Variants in DENND5B observed in about 807,000 individuals in gnomAD.
The protein encoded by DENND5B is DENN domain-containing protein 5B.
A neutral mutation model predicts 140.6 loss-of-function variants in DENND5B; 34 were observed. That is an observed-to-expected ratio of 0.24 (90% CI 0.18 to 0.32). The LOEUF (loss-of-function observed/expected upper bound fraction) is 0.32, where lower values mean the gene tolerates loss of function less well. Among genes scored for constraint, DENND5B ranks in the 10% least tolerant of loss-of-function variants. DENND5B has a pLI of 1.00. For missense variants in DENND5B, 1,142 were observed against 1,560.2 expected (o/e 0.73, Z 4.52); for synonymous variants, 551 against 562.1 (o/e 0.98, Z 0.28).
At chr12:31,512,914 T>C (rs1191189686) in intron 1 of DENND5B, among the ~76,000 whole-genome samples, 1 of 152,190 alleles carries the variant, frequency 6.6e-6, no homozygotes. Context: ...ATTTGGTACA[T>C]TATTAGCGAA....
At chr12:31,553,673 T>C (rs1384887141) in intron 1 of DENND5B, among the ~76,000 whole-genome samples, 1 of 152,190 alleles carries the variant, frequency 6.6e-6, no homozygotes, top group East Asian at 1.9e-4. Context: ...TGTTAAAGTC[T>C]CCCATTATTA....
intron 3 of DENND5B, among the ~76,000 whole-genome samples, chr12:31,468,693 T>A (rs1041031515): frequency 6.6e-6 from 1 of 151,694 alleles, no homozygotes; most frequent in South Asian, 2.1e-4. Flanking sequence ...CACCTGTAGC[T>A]CCAGCTACGT....
chr12:31,569,942 T>A (rs1412070954), intron 1 of DENND5B, among the ~76,000 whole-genome samples: 1 of 150,476 alleles, frequency 6.6e-6, no homozygotes, highest in Non-Finnish European at 1.5e-5. Context: ...ATGCCTGTAA[T>A]CCCAACACTT....
intron 17 of DENND5B, 65 bp from the exon 18 acceptor site, chr12:31,392,761 A>ACAG: frequency 7.0e-7 from 1 of 1,422,604 alleles, no homozygotes; most frequent in Non-Finnish European, 9.6e-7. Flanking sequence ...ACTATGGGAC[A>ACAG]TCAACTGTGT....
rs1402319501 is a variant in DENND5B, at chr12:31,415,392, T to C, written c.2527A>G (p.Arg843Gly). 4 of 1,610,318 alleles carry C rather than the reference T, an allele frequency of 2.5e-6. No homozygotes were observed. Among genetic ancestry groups the C allele is most frequent in the South Asian group, 2.2e-5 (2 of 90,264 alleles). The change falls in exon 12 of 21, where the codon AGG (arginine) becomes GGG (glycine). Residue 843 changes from arginine (R) to glycine (G), a missense_variant. Coordinates refer to ENST00000389082, the MANE Select transcript of DENND5B (RefSeq NM_144973.4). ...SDSGVMLPTLRVSLIQDMRHI... is the reference protein window; with the variant it reads ...SDSGVMLPTLGVSLIQDMRHI... ...CTCATGTCCTGAATAAGAGAGACCC[T>C]GAGCGTTGGCAACATAACTCCTGAG...
At chr12:31,407,617 T>A (rs913384779) in intron 14 of DENND5B, among the ~76,000 whole-genome samples, 5 of 152,114 alleles carry the variant, frequency 3.3e-5, no homozygotes, top group Non-Finnish European at 7.4e-5. Context: ...TTAGTGATAT[T>A]TATTGAGATT....
intron 2 of DENND5B, among the ~76,000 whole-genome samples, chr12:31,485,987 G>A (rs1348834892): frequency 3.3e-5 from 5 of 152,310 alleles, no homozygotes; most frequent in South Asian, 2.1e-4. Context: ...GAATACAGGC[G>A]CAGCCAACCA....
chr12:31,460,276 A>T lies in DENND5B; in HGVS notation c.1010T>A (p.Phe337Tyr), dbSNP rs1409363750. 6.2e-7 allele frequency: 1 copy of T among 1,613,988 alleles called. No individual in the cohort carries two copies. Among genetic ancestry groups the T allele is most frequent in the Non-Finnish European group, 8.5e-7 (1 of 1,179,894 alleles). ...VPILPASLLHFLDAPVPYLMG... is the reference protein window; with the variant it reads ...VPILPASLLHYLDAPVPYLMG... ...CAGATAAGGGACAGGAGCATCAAGA[A>T]AATGTAGCAGAGAAGCAGGTAGAAT... The change falls in exon 4 of 21, where the codon TTT becomes TAT. Residue 337 changes from phenylalanine to tyrosine, a missense_variant. Phe to Tyr is a conservative substitution (Grantham distance 22). Coordinates refer to ENST00000389082, the MANE Select transcript of DENND5B (RefSeq NM_144973.4).
intron 1 of DENND5B, among the ~76,000 whole-genome samples, chr12:31,539,557 GCAAGGATA>G (rs967988190): frequency 2.0e-5 from 3 of 152,128 alleles, no homozygotes; most frequent in Admixed American, 2.0e-4. Context: ...TCCCAGGGAT[GCAAGGATA>G]GTTCAACATA....
At chr12:31,388,745 AGGG>A (rs1343120711) in intron 20 of DENND5B, among the ~76,000 whole-genome samples, 1 of 152,228 alleles carries the variant, frequency 6.6e-6, no homozygotes, top group Non-Finnish European at 1.5e-5. Flanking sequence ...CAAAAAATAA[AGGG>A]GTAGGAAATA....
At chr12:31,394,538 C>A (rs1241126409) in intron 17 of DENND5B, among the ~76,000 whole-genome samples, 1 of 151,550 alleles carries the variant, frequency 6.6e-6, no homozygotes, top group Non-Finnish European at 1.5e-5. Flanking sequence ...TGAGCTTTGA[C>A]AAATGGATAG....
chr12:31,398,432 G>C, intron 16 of DENND5B, 70 bp from the exon 17 acceptor site: 1 of 1,437,046 alleles, frequency 7.0e-7, no homozygotes, highest in Non-Finnish European at 9.3e-7. Context: ...AGCCCCCTGA[G>C]TAGTTGAGAC....
rs147570517 is a variant in DENND5B at position 31,503,931 on chromosome 12, A to C, written c.128-8012T>G. ...CCTAGTTTTAAACAAAATCATTAAT[A>C]AAATGAGACATGAAAGCTATTCCAG... is the stretch of plus-strand genomic sequence containing the variant. On this transcript the variant is annotated intron_variant, in intron 1 of 20. Coordinates refer to ENST00000389082, the MANE Select transcript of DENND5B (RefSeq NM_144973.4). Among the ~76,000 whole-genome samples the C allele has an allele frequency of 1.7e-3, 266 of 152,336 alleles. 3 individuals are homozygous for C. The highest frequency in any genetic ancestry group is 6.2e-3 in the African/African-American group (257 of 41,580).
intron 1 of DENND5B, among the ~76,000 whole-genome samples, chr12:31,587,200 C>T (rs1950424044): frequency 6.6e-6 from 1 of 152,150 alleles, no homozygotes; most frequent in Admixed American, 6.5e-5. Flanking sequence ...TCCAGATCTT[C>T]CCCCAAGAGA....
At chr12:31,532,209 AGT>A (rs1948312364) in intron 1 of DENND5B, among the ~76,000 whole-genome samples, 1 of 152,224 alleles carries the variant, frequency 6.6e-6, no homozygotes, top group South Asian at 2.1e-4. Context: ...GACTTCCCTG[AGT>A]GACAGATGCC....
intron 1 of DENND5B, among the ~76,000 whole-genome samples, chr12:31,511,409 C>T (rs867143740): frequency 6.6e-6 from 1 of 151,858 alleles, no homozygotes; most frequent in Non-Finnish European, 1.5e-5. Flanking sequence ...GAACCACTAT[C>T]GTACAAACAC....
chr12:31,496,155 A>C (rs1244833450), intron 1 of DENND5B, among the ~76,000 whole-genome samples: 1 of 152,242 alleles, frequency 6.6e-6, no homozygotes, highest in African/African-American at 2.4e-5. Flanking sequence ...CTGATACTAA[A>C]AATCAAAATA....
intron 6 of DENND5B, among the ~76,000 whole-genome samples, chr12:31,446,088 A>G (rs968854507): frequency 6.6e-6 from 1 of 152,114 alleles, no homozygotes; most frequent in Non-Finnish European, 1.5e-5. Context: ...TAATATGATT[A>G]TTTATTTAAT....
intron 2 of DENND5B, among the ~76,000 whole-genome samples, chr12:31,484,019 A>G (rs1355770394): frequency 1.3e-5 from 2 of 150,986 alleles, no homozygotes; most frequent in East Asian, 2.0e-4. Flanking sequence ...ATGCCCAGCT[A>G]ATTTTGTGTT....
Sources: gnomAD v4.1 joint callset for allele counts (sites outside exome capture counted in the v4.1 genomes callset) on GRCh38, gnomAD v4.1.1 for gene constraint, MANE v1.5 for transcripts, NCBI Gene and HGNC (gene_info 2026-07-23, HGNC 2026-07-21) for gene names.